RLN2: variants seen among roughly 807,000 people sequenced by gnomAD.
The protein encoded by RLN2 is prorelaxin H2.
RLN2 carries 10 observed loss-of-function variants against 7.3 expected under a neutral mutation model. The ratio of observed to expected loss-of-function variants is 1.36; its 90% confidence interval spans 0.84 to 2.31. The LOEUF (loss-of-function observed/expected upper bound fraction) is 2.31. Ranked by LOEUF, RLN2 falls within the 30% of genes most tolerant of loss-of-function variation. The pLI, the probability that RLN2 is intolerant of heterozygous loss-of-function variation, is 0.00. For missense variants in RLN2, 298 were observed against 217.6 expected, an observed-to-expected ratio of 1.37 and a Z score of -2.32; for synonymous variants, 103 against 82.3, an observed-to-expected ratio of 1.25 and a Z score of -1.36.
chr9:5,327,312 C>G, the RLN2 span, among the ~76,000 whole-genome samples: 1 of 151,988 alleles, frequency 6.6e-6, no homozygotes, highest in Non-Finnish European at 1.5e-5. Flanking sequence ...AGTCTGAGAT[C>G]GACCGGCTAC....
At chr9:5,306,338 C>A (rs1292515500), upstream of RLN2, among the ~76,000 whole-genome samples, 1 of 151,728 alleles carries the variant, frequency 6.6e-6, no homozygotes, top group Admixed American at 6.6e-5. Context: ...AAACTCCTGA[C>A]CTCAGGTGAT....
Position 5,300,032 on chromosome 9 carries a change from G to A in RLN2, c.*66C>T, listed in dbSNP as rs1164179804. 1.0e-6 allele frequency: 1 copy of A among 967,510 alleles called. No individual in the cohort carries two copies. The allele number at this position is 967,510 out of a possible 1,614,324, so 59.9% of individuals were successfully genotyped here. ...TAAGAATTGATGGGACCTGATAGAA[G>A]CATCAGTGAAATGTCATTAAGAATA... On this transcript the variant is annotated 3_prime_UTR_variant, in exon 2 of 2. Coordinates refer to ENST00000381627, the MANE Select transcript of RLN2 (RefSeq NM_134441.3).
the RLN2 span, among the ~76,000 whole-genome samples, chr9:5,324,113 T>A: frequency 2.0e-5 from 3 of 152,048 alleles, no homozygotes; most frequent in Non-Finnish European, 4.4e-5. Context: ...GTAGTCATTT[T>A]TATTGTTATA....
chr9:5,318,009 T>C, the RLN2 span, among the ~76,000 whole-genome samples: 2 of 150,282 alleles, frequency 1.3e-5, no homozygotes, highest in Non-Finnish European at 3.0e-5. Flanking sequence ...TGTGTGTGCG[T>C]GTGTGTGTGT....
the RLN2 span, among the ~76,000 whole-genome samples, chr9:5,322,056 A>C: frequency 2.7e-4 from 41 of 152,200 alleles, no homozygotes; most frequent in African/African-American, 8.2e-4. Context: ...TTGGTGCCCA[A>C]ATCCGAATGG....
intron 1 of RLN2, among the ~76,000 whole-genome samples, chr9:5,302,842 G>A (rs1215886926): frequency 9.2e-5 from 11 of 119,682 alleles, no homozygotes; most frequent in Non-Finnish European, 1.7e-4. Context: ...GTATAATGGT[G>A]AGTGAAAATG....
At chr9:5,303,022 G>T (rs1458286760) in intron 1 of RLN2, among the ~76,000 whole-genome samples, 1 of 105,860 alleles carries the variant, frequency 9.4e-6, no homozygotes, top group African/African-American at 3.7e-5. Flanking sequence ...TTTAATATGA[G>T]CATTACTACT....
At chr9:5,327,438 G>C in the RLN2 span, among the ~76,000 whole-genome samples, 1 of 152,020 alleles carries the variant, frequency 6.6e-6, no homozygotes, top group African/African-American at 2.4e-5. Context: ...GCTCAACAAG[G>C]CCCACCAGCC....
At chr9:5,331,329 G>A in the RLN2 span, among the ~76,000 whole-genome samples, 2 of 152,062 alleles carry the variant, frequency 1.3e-5, no homozygotes, top group East Asian at 3.9e-4. Flanking sequence ...GAACATCGAT[G>A]AGAAAATCCT....
chr9:5,322,377 A>C, the RLN2 span, among the ~76,000 whole-genome samples: 1 of 152,024 alleles, frequency 6.6e-6, no homozygotes, highest in African/African-American at 2.4e-5. Context: ...ATATGCTTTT[A>C]ATCACAGATG....
chr9:5,324,521 C>T, the RLN2 span, among the ~76,000 whole-genome samples: 7 of 151,852 alleles, frequency 4.6e-5, no homozygotes, highest in Non-Finnish European at 7.4e-5. Flanking sequence ...CCTGATGGTC[C>T]CTGTATTTCT....
chr9:5,329,389 C>G, the RLN2 span, among the ~76,000 whole-genome samples: 1 of 149,166 alleles, frequency 6.7e-6, no homozygotes, highest in African/African-American at 2.5e-5. Context: ...ATGATGGGAT[C>G]AAATTTAAAC....
chr9:5,300,788 C>A (rs1816105766), intron 1 of RLN2, among the ~76,000 whole-genome samples: 2 of 152,296 alleles, frequency 1.3e-5, no homozygotes, highest in African/African-American at 4.8e-5. Flanking sequence ...TTGACCACAG[C>A]TAGTGGTCAT....
At chr9:5,324,047 AAAATAAAT>A in the RLN2 span, among the ~76,000 whole-genome samples, 1 of 151,812 alleles carries the variant, frequency 6.6e-6, no homozygotes, top group African/African-American at 2.4e-5. Flanking sequence ...ACTCTGTCTC[AAAATAAAT>A]AAATAAATAA....
the RLN2 span, among the ~76,000 whole-genome samples, chr9:5,311,917 C>T: frequency 6.6e-6 from 1 of 151,442 alleles, no homozygotes; most frequent in East Asian, 1.9e-4. Context: ...TGCTGGTGCG[C>T]TGCACCCACT....
the RLN2 span, among the ~76,000 whole-genome samples, chr9:5,326,222 C>G: frequency 6.6e-6 from 1 of 151,912 alleles, no homozygotes; most frequent in Non-Finnish European, 1.5e-5. Flanking sequence ...CACAAACATA[C>G]CATTATTTTG....
the RLN2 span, among the ~76,000 whole-genome samples, chr9:5,320,629 C>G: frequency 4.6e-5 from 7 of 152,038 alleles, no homozygotes; most frequent in Non-Finnish European, 4.4e-5. Context: ...CCTCAGCCTC[C>G]CAAAGTGCTG....
At chr9:5,301,848 C>A (rs1816148015) in intron 1 of RLN2, among the ~76,000 whole-genome samples, 1 of 151,538 alleles carries the variant, frequency 6.6e-6, no homozygotes, top group African/African-American at 2.4e-5. Context: ...AAAAAACAAA[C>A]TGTAGTATTT....
chr9:5,308,816 A>C (rs1301840280), upstream of RLN2, among the ~76,000 whole-genome samples: 3 of 152,042 alleles, frequency 2.0e-5, no homozygotes, highest in African/African-American at 7.3e-5. Flanking sequence ...CTTATTCCTG[A>C]ATAGCAAGTT....
Sources: allele counts gnomAD v4.1 joint callset (sites outside exome capture counted in the v4.1 genomes callset), GRCh38; gene constraint gnomAD v4.1.1; transcripts MANE v1.5; gene names NCBI Gene and HGNC (gene_info 2026-07-23, HGNC 2026-07-21).